Variants in IL34 observed in about 807,000 individuals in gnomAD.
IL34 encodes the protein interleukin 34.
IL34 carries 17 observed loss-of-function variants against 25.3 expected under a neutral mutation model. The ratio of observed to expected loss-of-function variants is 0.67; its 90% CI spans 0.46 to 1.01. The LOEUF (loss-of-function observed/expected upper bound fraction) is 1.01, where lower values mean the gene tolerates loss of function less well. IL34 is among the 50% of genes least tolerant of loss of function. The probability of loss-of-function intolerance (pLI) is 0.00; values close to 1 mark genes in which losing one functional copy is unlikely to be tolerated. For synonymous variants in IL34, 174 were observed against 140.9 expected (o/e 1.23, Z -1.66); for missense variants, 368 against 312.9 (o/e 1.18, Z -1.33).
In IL34 at chr16:70,656,974, G is replaced by A; in HGVS notation, c.255G>A (p.Val85=). 6.2e-7 allele frequency: 1 copy of A among 1,609,540 alleles called. No homozygotes were observed. The highest frequency in any genetic ancestry group is 1.1e-5 in the South Asian group (1 of 90,750). Residue 85 remains valine, a synonymous_variant, in exon 4 of 6, where the codon GTG becomes GTA. Transcript: ENST00000288098. The stretch of plus-strand genomic sequence containing the variant: ...TGTTTCCGCAGCAGAGGGCCCAGGT[G>A]AGCGAGCGGGAGCTGCGGTATCTGT... The part of the protein sequence containing the change: ...ANVTRLQRAQ[V]SERELRYLWV...
chr16:70,653,929 G>C (rs1010304103), intron 1 of IL34, among the ~76,000 whole-genome samples: 3 of 152,078 alleles, frequency 2.0e-5, no homozygotes, highest in Non-Finnish European at 2.9e-5. Context: ...ATGTTTCAGC[G>C]GCTCGTTTGT....
At chr16:70,640,913 C>T (rs1445439865) in intron 1 of IL34, among the ~76,000 whole-genome samples, 1 of 152,042 alleles carries the variant, frequency 6.6e-6, no homozygotes, top group Non-Finnish European at 1.5e-5. Flanking sequence ...TTTGCTTTTT[C>T]CAGAAAAGGC....
intron 1 of IL34, among the ~76,000 whole-genome samples, chr16:70,607,584 G>A (rs997947665): frequency 1.3e-5 from 2 of 152,142 alleles, no homozygotes; most frequent in African/African-American, 4.8e-5. Flanking sequence ...TGATCTTGGA[G>A]AGCAAGCCTA....
At chr16:70,619,004 A>T (rs1597750439) in intron 1 of IL34, among the ~76,000 whole-genome samples, 1 of 152,124 alleles carries the variant, frequency 6.6e-6, no homozygotes, top group African/African-American at 2.4e-5. Context: ...TGAGGATAGG[A>T]GAGTATATGG....
chr16:70,626,375 G>C (rs1355891113), intron 1 of IL34, among the ~76,000 whole-genome samples: 1 of 151,980 alleles, frequency 6.6e-6, no homozygotes, highest in Admixed American at 6.6e-5. Flanking sequence ...AAGAAAACAC[G>C]ATGTGTGTGG....
At chr16:70,629,687 C>A (rs925195881) in intron 1 of IL34, among the ~76,000 whole-genome samples, 1 of 151,328 alleles carries the variant, frequency 6.6e-6, no homozygotes, top group African/African-American at 2.4e-5. Context: ...CATTGTAGAC[C>A]TCACTACATT....
In IL34 at chr16:70,589,855, T is replaced by C. The variant is rs1462461840; in HGVS notation, c.-401+9806T>C. Among the ~76,000 whole-genome samples, 3 of 152,180 alleles carry C rather than the reference T, an allele frequency of 2.0e-5. No individual in the cohort carries two copies. The East Asian group carries it at 5.8e-4, about 29-fold the overall frequency. On this transcript the variant is annotated intron_variant, in intron 1 of 6. Transcript: ENST00000429149. ...CCAGGCTGGTCTTGAACTCCTGACCTCAAATGATCCGCCTGCCTCGGCCTC... is the reference window on the plus strand; with the variant it reads ...CCAGGCTGGTCTTGAACTCCTGACCCCAAATGATCCGCCTGCCTCGGCCTC...
At chr16:70,649,643 A>C (rs1054699284) in intron 1 of IL34, among the ~76,000 whole-genome samples, 1 of 152,230 alleles carries the variant, frequency 6.6e-6, no homozygotes, top group Admixed American at 6.5e-5. Flanking sequence ...CCCACTGCAC[A>C]GGTTCAGATT....
intron 1 of IL34, among the ~76,000 whole-genome samples, chr16:70,606,325 G>A (rs979300400): frequency 6.6e-6 from 1 of 152,104 alleles, no homozygotes; most frequent in African/African-American, 2.4e-5. Flanking sequence ...TTGAACCTGG[G>A]AGGTGGAGGT....
At chr16:70,645,033 G>C (rs1197873746), upstream of IL34, among the ~76,000 whole-genome samples, 3 of 147,460 alleles carry the variant, frequency 2.0e-5, no homozygotes, top group Admixed American at 1.4e-4. Context: ...GAAGGAAAAA[G>C]GAAGGAGGAC....
At chr16:70,602,895 G>A (rs2050939628) in intron 1 of IL34, among the ~76,000 whole-genome samples, 1 of 151,942 alleles carries the variant, frequency 6.6e-6, no homozygotes, top group African/African-American at 2.4e-5. Context: ...TTCCAGCGGA[G>A]GTAGCCTTAG....
intron 1 of IL34, among the ~76,000 whole-genome samples, chr16:70,584,346 G>A (rs1402174614): frequency 1.3e-5 from 2 of 152,184 alleles, no homozygotes; most frequent in African/African-American, 2.4e-5. Context: ...ATCCCAGCAC[G>A]CCTGGAAAAC....
chr16:70,582,084 T>A (rs1405581593), intron 1 of IL34, among the ~76,000 whole-genome samples: 1 of 152,182 alleles, frequency 6.6e-6, no homozygotes, highest in Non-Finnish European at 1.5e-5. Flanking sequence ...GCAAAATTGA[T>A]AAGGTCAAGT....
chr16:70,604,719 A>G (rs1057040951), intron 1 of IL34, among the ~76,000 whole-genome samples: 2 of 152,230 alleles, frequency 1.3e-5, no homozygotes, highest in African/African-American at 4.8e-5. Context: ...GGAGTTAGGC[A>G]AAGTCCGATA....
intron 1 of IL34, among the ~76,000 whole-genome samples, chr16:70,597,196 C>T (rs572118182): frequency 6.6e-6 from 1 of 151,704 alleles, no homozygotes; most frequent in Non-Finnish European, 1.5e-5. Context: ...TGAAGTTACC[C>T]CCTCACAGAG....
At chr16:70,648,837 G>T (rs181497160) in intron 1 of IL34, among the ~76,000 whole-genome samples, 7 of 152,232 alleles carry the variant, frequency 4.6e-5, no homozygotes, top group Admixed American at 3.3e-4. Flanking sequence ...CAGGGTGCCT[G>T]CAGGGCTGCG....
At chr16:70,654,798 C>T (rs2052173025) in intron 2 of IL34, 127 bp downstream of exon 2, 3 of 1,245,504 alleles carry the variant, frequency 2.4e-6, no homozygotes, top group Non-Finnish European at 3.3e-6. Flanking sequence ...GCCTGTTTCT[C>T]TGCCTTTCTC....
At chr16:70,651,395 C>G (rs1597778726) in intron 1 of IL34, among the ~76,000 whole-genome samples, 1 of 152,072 alleles carries the variant, frequency 6.6e-6, no homozygotes, top group Non-Finnish European at 1.5e-5. Flanking sequence ...TTCTTCTCAC[C>G]CAATACTGTA....
rs1315012162 is a variant in IL34 at position 70,646,667 on chromosome 16, G to A, written c.-281G>A. On this transcript the variant is annotated 5_prime_UTR_variant, in exon 1 of 6. Transcript: ENST00000288098. Reference sequence around the variant, plus strand: ...CCTGCTCCTTGGAAAGGAAGACCCCGAAAGACCCCCAAGCCACCGGCTCAG... The same window carrying A: ...CCTGCTCCTTGGAAAGGAAGACCCCAAAAGACCCCCAAGCCACCGGCTCAG... 2.1e-5 allele frequency: 9 copies of A among 429,942 alleles called. No homozygotes were observed. Among genetic ancestry groups the A allele is most frequent in the South Asian group, 1.2e-4 (2 of 16,818 alleles). The allele number at this position is 429,942 out of a possible 1,614,324, so 26.6% of individuals were successfully genotyped here.
Sources: gnomAD v4.1 joint callset for allele counts (sites outside exome capture counted in the v4.1 genomes callset) on GRCh38, gnomAD v4.1.1 for gene constraint, MANE v1.5 for transcripts, NCBI Gene and HGNC (gene_info 2026-07-23, HGNC 2026-07-21) for gene names.